Variants in DNAH8 observed in about 807,000 individuals in gnomAD.
The protein encoded by DNAH8 is dynein axonemal heavy chain 8, also known as axonemal beta dynein heavy chain 8.
Under a neutral mutation model 562.1 loss-of-function variants are expected in DNAH8, and 382 were observed. That is an observed-to-expected ratio of 0.68 (90% CI 0.63 to 0.74). The LOEUF is 0.74. DNAH8 is among the 30% of genes least tolerant of loss of function. DNAH8 has a pLI of 0.00. For synonymous variants in DNAH8, 1,881 were observed against 1,919.4 expected (o/e 0.98, Z 0.52); for missense variants, 5,203 against 5,620.4 (o/e 0.93, Z 2.37).
At chr6:38,899,383 C>T (rs1041245202) in intron 61 of DNAH8, among the ~76,000 whole-genome samples, 7 of 152,188 alleles carry the variant, frequency 4.6e-5, no homozygotes, top group African/African-American at 1.7e-4. Context: ...TTCAGTGTGT[C>T]AGGCTGATGA....
At chr6:38,861,141 A>T (rs978490035) in intron 43 of DNAH8, among the ~76,000 whole-genome samples, 3 of 152,230 alleles carry the variant, frequency 2.0e-5, no homozygotes, top group Non-Finnish European at 4.4e-5. Context: ...GAAAACATTC[A>T]ATAAATGTTG....
chr6:38,723,875 G>GA (rs1322127206), intron 3 of DNAH8, among the ~76,000 whole-genome samples: 1 of 151,596 alleles, frequency 6.6e-6, no homozygotes, highest in Non-Finnish European at 1.5e-5. Context: ...AAAAAAGAAA[G>GA]AAAAAAGAAA....
chr6:38,842,825 A>C lies in DNAH8; in HGVS notation c.4767A>C (p.Pro1589=). 2 of 1,613,938 alleles carry C rather than the reference A, an allele frequency of 1.2e-6. No individual in the cohort carries two copies. Among genetic ancestry groups the C allele is most frequent in the Non-Finnish European group, 1.7e-6 (2 of 1,179,890 alleles). ...GAATCTCCGAGTTAACTGGAACCCC[A>C]TTTGATGTGGAATCTGATTCTTTTT... ...WDRISELTGT[P]FDVESDSFCL... The change falls in exon 35 of 93, where the codon CCA becomes CCC. Residue 1589 remains proline (P), a synonymous_variant. Transcript: ENST00000327475.
Position 38,750,554 on chromosome 6 carries a change from GA to G in DNAH8, c.1377del (p.Val460CysfsTer10). ...KDNVRYLYTL[E>X]KVCQPLYNHD... ...TAATGTCAGATATTTGTATACTTTG[GA>G]AAAAGTGTGTCAACCTCTCTATAAC... On this transcript the variant is annotated frameshift_variant, in exon 9 of 93. Coordinates refer to ENST00000327475, the MANE Select transcript of DNAH8 (RefSeq NM_001206927.2). LOFTEE classifies it high-confidence loss of function. 1 of 1,610,414 alleles carries G rather than the reference GA, an allele frequency of 6.2e-7. No homozygotes were observed. Among genetic ancestry groups the G allele is most frequent in the Admixed American group, 1.7e-5 (1 of 59,720 alleles).
chr6:38,949,951 A>G (rs1241400024), intron 81 of DNAH8, among the ~76,000 whole-genome samples: 4 of 152,202 alleles, frequency 2.6e-5, no homozygotes, highest in Non-Finnish European at 4.4e-5. Flanking sequence ...AACAGACCTC[A>G]CAAAGTTACA....
At chr6:38,797,077 G>A (rs936109442) in intron 21 of DNAH8, among the ~76,000 whole-genome samples, 2 of 152,184 alleles carry the variant, frequency 1.3e-5, no homozygotes, top group African/African-American at 4.8e-5. Context: ...AATAATTAAT[G>A]AGTATTAGCA....
chr6:38,866,683 C>A lies in DNAH8; in HGVS notation c.6585+6C>A, dbSNP rs780264695. Reference sequence around the variant, plus strand: ...TGATGGTTCCTGATAGACAGGTATGCACTAGGATTTAAAAGCATAATGTGC... The same window carrying A: ...TGATGGTTCCTGATAGACAGGTATGAACTAGGATTTAAAAGCATAATGTGC... On this transcript the variant is annotated splice_donor_region_variant and intron_variant, in intron 46 of 92. Transcript: ENST00000327475. 1 of 1,609,614 alleles carries A rather than the reference C, an allele frequency of 6.2e-7. No homozygotes were observed. The highest frequency in any genetic ancestry group is 1.1e-5 in the South Asian group (1 of 90,402).
At chr6:38,751,457 C>T (rs72858299) in intron 9 of DNAH8, among the ~76,000 whole-genome samples, 27,818 of 152,070 alleles carry the variant, frequency 0.18, 3,330 homozygotes, top group Non-Finnish European at 0.27. Flanking sequence ...GGGTGAGCAT[C>T]ACTGGGGCCA....
chr6:38,864,130 TGTTAATGGG>T (rs774739613), intron 45 of DNAH8, 70 bp downstream of exon 45: 142 of 1,407,090 alleles, frequency 1.0e-4, no homozygotes, highest in Non-Finnish European at 1.3e-4. Flanking sequence ...ACAAAGCATG[TGTTAATGGG>T]TAGATGACCA....
chr6:38,783,147 T>C lies in DNAH8; in HGVS notation c.2395+8T>C, dbSNP rs1201414279. 1 of 1,612,936 alleles carries C rather than the reference T, an allele frequency of 6.2e-7. No homozygotes were observed. Among genetic ancestry groups the C allele is most frequent in the Admixed American group, 1.7e-5 (1 of 59,790 alleles). Reference sequence around the variant, plus strand: ...TTTCACAGTTGCATTACGGTGTGTATAACACTGCCATGAGCCTACAAAGTA... The same window carrying C: ...TTTCACAGTTGCATTACGGTGTGTACAACACTGCCATGAGCCTACAAAGTA... On this transcript the variant is annotated splice_region_variant and intron_variant, in intron 17 of 92. Coordinates refer to ENST00000327475, the MANE Select transcript of DNAH8 (RefSeq NM_001206927.2).
At position 38,974,337 on chromosome 6, in the gene DNAH8, T is replaced by C. The variant is rs373243266; in HGVS notation, c.12679-37T>C. Reference sequence around the variant, plus strand: ...TTTCTATTTTATTCTTTATAGTAATTTATAGAAACAAAAGCACTGTTTTCT... The same window carrying C: ...TTTCTATTTTATTCTTTATAGTAATCTATAGAAACAAAAGCACTGTTTTCT... On this transcript the variant is annotated intron_variant, in intron 84 of 92. Coordinates refer to ENST00000327475, the MANE Select transcript of DNAH8 (RefSeq NM_001206927.2). 16 of 1,505,982 alleles carry C rather than the reference T, an allele frequency of 1.1e-5. No individual in the cohort carries two copies. The African/African-American group carries it at 2.2e-4, about 21-fold the overall frequency. 93.3% of individuals were successfully genotyped at this position (1,505,982 alleles called of 1,614,324 possible).
intron 45 of DNAH8, 53 bp from the exon 46 acceptor site, chr6:38,866,538 C>A: frequency 1.6e-6 from 2 of 1,257,276 alleles, no homozygotes; most frequent in Non-Finnish European, 2.2e-6. Flanking sequence ...TATTTGTATT[C>A]AGAAATGAAA....
intron 62 of DNAH8, among the ~76,000 whole-genome samples, chr6:38,902,487 T>C (rs1282887125): frequency 2.0e-5 from 3 of 152,194 alleles, no homozygotes; most frequent in African/African-American, 7.2e-5. Flanking sequence ...TTACCTGCCT[T>C]GCCTTTCTCA....
In DNAH8 at chr6:38,872,532, G is replaced by C; in HGVS notation, c.6991-4G>C. On this transcript the variant is annotated splice_region_variant and splice_polypyrimidine_tract_variant and intron_variant, in intron 49 of 92. Transcript: ENST00000327475. ...ATATTTTAATTTACTGGTTAATTGT[G>C]TAGTTATATGAGACGTCTTTGGTAC... The C allele has an allele frequency of 6.2e-7, 1 of 1,612,540 alleles. No homozygotes were observed. Among genetic ancestry groups the C allele is most frequent in the Non-Finnish European group, 8.5e-7 (1 of 1,178,916 alleles).
At chr6:38,998,431 A>G (rs948521152) in intron 88 of DNAH8, among the ~76,000 whole-genome samples, 2 of 152,170 alleles carry the variant, frequency 1.3e-5, no homozygotes, top group Non-Finnish European at 2.9e-5. Flanking sequence ...TCTTTTTCTC[A>G]TCAGTGGTTA....
chr6:38,977,355 G>A (rs531510853), intron 85 of DNAH8, among the ~76,000 whole-genome samples: 1 of 152,254 alleles, frequency 6.6e-6, no homozygotes, highest in Admixed American at 6.5e-5. Flanking sequence ...ACCCTGAGAG[G>A]GGAAGTTACT....
intron 26 of DNAH8, among the ~76,000 whole-genome samples, chr6:38,818,589 A>T (rs919025777): frequency 1.3e-5 from 2 of 150,210 alleles, no homozygotes; most frequent in African/African-American, 5.0e-5. Flanking sequence ...AATAAAACAC[A>T]GCAGACAGGT....
intron 92 of DNAH8, among the ~76,000 whole-genome samples, chr6:39,028,987 C>T (rs544800728): frequency 6.6e-6 from 1 of 152,340 alleles, no homozygotes; most frequent in African/African-American, 2.4e-5. Context: ...CCGATCCTCA[C>T]TGGAGATGGA....
intron 68 of DNAH8, among the ~76,000 whole-genome samples, chr6:38,915,859 C>T (rs567651908): frequency 5.3e-5 from 8 of 152,148 alleles, no homozygotes; most frequent in Non-Finnish European, 8.8e-5. Flanking sequence ...CACATACACA[C>T]ACACACACAT....
Sources: gnomAD v4.1 joint callset for allele counts (sites outside exome capture counted in the v4.1 genomes callset) on GRCh38, gnomAD v4.1.1 for gene constraint, MANE v1.5 for transcripts, NCBI Gene and HGNC (gene_info 2026-07-23, HGNC 2026-07-21) for gene names.